VIRMA: variants seen among roughly 807,000 people sequenced by gnomAD.
VIRMA encodes the protein protein virilizer homolog.
A neutral mutation model predicts 182.4 loss-of-function variants in VIRMA; 65 were observed. That is an observed-to-expected ratio of 0.36 (90% CI 0.29 to 0.44). The LOEUF (loss-of-function observed/expected upper bound fraction) is 0.44, where lower values mean the gene tolerates loss of function less well. Among genes scored for constraint, VIRMA ranks in the 20% least tolerant of loss-of-function variants. The probability of loss-of-function intolerance (pLI) is 1.00; values close to 1 mark genes in which losing one functional copy is unlikely to be tolerated. For missense variants in VIRMA, 1,752 were observed against 2,158.1 expected (o/e 0.81, Z 3.73); for synonymous variants, 709 against 743.1 (o/e 0.95, Z 0.75).
chr8:94,509,401 CAAA>C, intron 15 of VIRMA, among the ~76,000 whole-genome samples: 1 of 109,014 alleles, frequency 9.2e-6, no homozygotes, highest in African/African-American at 3.5e-5. Context: ...GACCCCATCT[CAAA>C]AAAAAAAAAA....
chr8:94,499,610 C>A, intron 16 of VIRMA, 104 bp from the exon 17 acceptor site: 1 of 778,322 alleles, frequency 1.3e-6, no homozygotes, highest in Non-Finnish European at 1.9e-6. Context: ...CTTACTCCAT[C>A]ATTTTTAAAA....
chr8:94,532,727 G>A (rs955427948), intron 5 of VIRMA, among the ~76,000 whole-genome samples: 1 of 152,070 alleles, frequency 6.6e-6, no homozygotes, highest in Non-Finnish European at 1.5e-5. Flanking sequence ...GTATTTGAAG[G>A]GCTGAGACAA....
At chr8:94,521,320 C>T (rs964461905) in intron 8 of VIRMA, among the ~76,000 whole-genome samples, 10 of 152,102 alleles carry the variant, frequency 6.6e-5, no homozygotes, top group African/African-American at 2.4e-4. Context: ...GTTTTCTGTT[C>T]CTGCATTAGT....
intron 23 of VIRMA, among the ~76,000 whole-genome samples, chr8:94,489,393 G>A (rs1265054480): frequency 3.9e-5 from 6 of 152,122 alleles, no homozygotes; most frequent in African/African-American, 1.2e-4. Context: ...ATTCATTCAA[G>A]GATATAAACT....
intron 10 of VIRMA, among the ~76,000 whole-genome samples, chr8:94,516,385 T>C (rs1426790081): frequency 6.6e-6 from 1 of 152,098 alleles, no homozygotes; most frequent in Admixed American, 6.5e-5. Flanking sequence ...TAAACACAAA[T>C]ACAATCTGCC....
Position 94,509,787 on chromosome 8 carries a change from G to A in VIRMA, c.3780C>T (p.Phe1260=). 6.2e-7 allele frequency: 1 copy of A among 1,613,972 alleles called. No individual in the cohort carries two copies. The highest frequency in any genetic ancestry group is 1.1e-5 in the South Asian group (1 of 91,072). ...IKGDERYAEI[F]QDLLALVRSP... ...ACCGCACCAAAGCTAAAAGATCCTG[G>A]AATATCTCTGCATATCTTTCATCAC... The change falls in exon 15 of 24, where the codon TTC becomes TTT. Residue 1260 remains phenylalanine (F), a synonymous_variant. Coordinates refer to ENST00000297591, the MANE Select transcript of VIRMA (RefSeq NM_015496.5).
At chr8:94,500,585 T>C (rs2130278596) in intron 16 of VIRMA, among the ~76,000 whole-genome samples, 1 of 151,818 alleles carries the variant, frequency 6.6e-6, no homozygotes, top group East Asian at 1.9e-4. Context: ...GAGGAGCAAC[T>C]GGGGCTCTAA....
At chr8:94,531,201 T>A in intron 5 of VIRMA, 116 bp from the exon 6 acceptor site, 2 of 1,143,504 alleles carry the variant, frequency 1.7e-6, no homozygotes, top group East Asian at 2.9e-5. Context: ...CAAAGAGAGA[T>A]CTAAAATATG....
intron 8 of VIRMA, among the ~76,000 whole-genome samples, chr8:94,523,184 C>A (rs1044769438): frequency 6.6e-6 from 1 of 152,172 alleles, no homozygotes; most frequent in Non-Finnish European, 1.5e-5. Context: ...AACTCCTACA[C>A]TTGTACTCTT....
chr8:94,530,415 T>C (rs1423807536), intron 6 of VIRMA, among the ~76,000 whole-genome samples: 1 of 150,414 alleles, frequency 6.6e-6, no homozygotes, highest in Non-Finnish European at 1.5e-5. Context: ...GAGGATTTCT[T>C]GAACCCGGGA....
rs535910978 is a variant in VIRMA, at chr8:94,507,576, G to A, written c.3880-859C>T. Among the ~76,000 whole-genome samples, 33 of 152,084 alleles carry A rather than the reference G, an allele frequency of 2.2e-4. No homozygotes were observed. The South Asian group carries it at 6.4e-3, about 30-fold the overall frequency. On this transcript the variant is annotated intron_variant, in intron 15 of 23. Transcript: ENST00000297591. ...TCAAGACGAGCCTGGCCAACATGGT[G>A]AAACACCCTCTCTACCAAAAATACA... is the stretch of plus-strand genomic sequence containing the variant.
chr8:94,547,480 T>C (rs1039474283), intron 1 of VIRMA, among the ~76,000 whole-genome samples: 1 of 150,968 alleles, frequency 6.6e-6, no homozygotes, highest in South Asian at 2.1e-4. Context: ...TATCTTCTCT[T>C]TCTACCCTCT....
At chr8:94,539,737 T>G (rs976199418) in intron 2 of VIRMA, among the ~76,000 whole-genome samples, 1 of 152,138 alleles carries the variant, frequency 6.6e-6, no homozygotes, top group African/African-American at 2.4e-5. Context: ...TCCTGGAAAT[T>G]TAATCCCCAA....
At chr8:94,507,354 T>C (rs1213955021) in intron 15 of VIRMA, among the ~76,000 whole-genome samples, 2 of 151,772 alleles carry the variant, frequency 1.3e-5, no homozygotes, top group Non-Finnish European at 2.9e-5. Context: ...AGGCTGGTCT[T>C]GAACTCCTGA....
chr8:94,500,052 C>CA (rs6150715), intron 16 of VIRMA, among the ~76,000 whole-genome samples: 11,062 of 82,220 alleles, frequency 0.13, 834 homozygotes, highest in East Asian at 0.27. Flanking sequence ...GGCTTCATCT[C>CA]AAAAAAAAAA....
chr8:94,514,723 T>C (rs575252361), intron 11 of VIRMA, 146 bp downstream of exon 11: 528 of 517,630 alleles, frequency 1.0e-3, no homozygotes, highest in African/African-American at 9.1e-3. Context: ...TATATGCATA[T>C]ACCAACCTGT....
Position 94,511,390 on chromosome 8 carries a change from T to C in VIRMA, c.3185A>G (p.Asn1062Ser), listed in dbSNP as rs1814368464. ...RLDSDEQKIQ[N>S]DIIDILLTFT... ...AGTCAGTAAAATATCAATGATATCA[T>C]TCTGAATTTTCTGTTCATCACTATC... Residue 1062 changes from asparagine (N) to serine (S), a missense_variant, in exon 13 of 24, where the codon AAT becomes AGT. By Grantham distance (46) the Asn-to-Ser change is conservative. Coordinates refer to ENST00000297591, the MANE Select transcript of VIRMA (RefSeq NM_015496.5). The C allele has an allele frequency of 5.6e-6, 9 of 1,614,020 alleles. No individual in the cohort carries two copies. The Admixed American group carries it at 1.3e-4, about 24-fold the overall frequency.
Position 94,509,886 on chromosome 8 carries a change from A to G in VIRMA, c.3681T>C (p.Ala1227=), listed in dbSNP as rs200630294. 2.1e-5 allele frequency: 34 copies of G among 1,613,868 alleles called. No individual in the cohort carries two copies. The South Asian group carries it at 3.3e-4, about 16-fold the overall frequency. ...QYTSQTTRLL[A]LLDALASHKA... ...TGTGTGAAGCCAGAGCATCAAGAAGAGCAAGCAACCTGGTGGTTTGGCTAG... is the reference window on the plus strand; with the variant it reads ...TGTGTGAAGCCAGAGCATCAAGAAGGGCAAGCAACCTGGTGGTTTGGCTAG... The change falls in exon 15 of 24, where the codon GCT becomes GCC. Residue 1227 remains alanine, a synonymous_variant. Transcript: ENST00000297591.
At chr8:94,499,339 C>T (rs754932896) in intron 17 of VIRMA, 35 bp downstream of exon 17, 4 of 1,415,554 alleles carry the variant, frequency 2.8e-6, no homozygotes, top group East Asian at 5.0e-5. Context: ...TACATACATA[C>T]ATATATACAC....
Sources: allele counts gnomAD v4.1 joint callset (sites outside exome capture counted in the v4.1 genomes callset), GRCh38; gene constraint gnomAD v4.1.1; transcripts MANE v1.5; gene names NCBI Gene and HGNC (gene_info 2026-07-23, HGNC 2026-07-21).